The following ANKRD62 variants were observed in gnomAD, a reference collection of about 807,000 sequenced individuals.
ANKRD62 encodes ankyrin repeat domain-containing protein 62.
A neutral mutation model predicts 98.8 loss-of-function variants in ANKRD62; 61 were observed. That is an observed-to-expected ratio of 0.62 (90% CI 0.50 to 0.76). The LOEUF is 0.76. Among genes scored for constraint, ANKRD62 ranks in the 30% least tolerant of loss-of-function variants. The pLI is 0.00. For missense variants in ANKRD62, 933 were observed against 1,082.9 expected, an observed-to-expected ratio of 0.86 and a Z score of 1.94; for synonymous variants, 341 against 367.9, an observed-to-expected ratio of 0.93 and a Z score of 0.84.
intron 6 of ANKRD62, among the ~76,000 whole-genome samples, chr18:12,101,111 A>G (rs1201015569): frequency 6.6e-6 from 1 of 152,146 alleles, no homozygotes; most frequent in South Asian, 2.1e-4. Context: ...CAGGATCATG[A>G]TTTGCTATTC....
chr18:12,124,083 G>A lies in ANKRD62; in HGVS notation c.1455-54G>A, dbSNP rs1287473113. The stretch of plus-strand genomic sequence containing the variant: ...GGCACTTTATTAGGATAATAAACCA[G>A]CATATGAGTGTTTTGTTTTTAAAGG... On this transcript the variant is annotated intron_variant, in intron 11 of 13. Transcript: ENST00000587848. The A allele has an allele frequency of 1.9e-5, 17 of 899,146 alleles. No homozygotes were observed. The East Asian group carries it at 4.3e-4, about 22-fold the overall frequency. The allele number at this position is 899,146 out of a possible 1,614,324, so 55.7% of individuals were successfully genotyped here. A position where few individuals can be genotyped will look rare whatever the true frequency, so the allele number is the denominator to read the frequency against.
Position 12,096,195 on chromosome 18 carries a change from G to C in ANKRD62, c.508-1G>C, listed in dbSNP as rs1216738757. The C allele has an allele frequency of 6.6e-7, 1 of 1,519,492 alleles. No individual in the cohort carries two copies. Among genetic ancestry groups the C allele is most frequent in the East Asian group, 2.5e-5 (1 of 40,714 alleles). 94.1% of individuals were successfully genotyped at this position (1,519,492 alleles called of 1,614,324 possible). On this transcript the variant is annotated splice_acceptor_variant, in intron 3 of 13. Coordinates refer to ENST00000587848, the MANE Select transcript of ANKRD62 (RefSeq NM_001277333.2). LOFTEE classifies it high-confidence loss of function. ...TATAAATTGTTTTTGCTGTTTTGCA[G>C]GATGGACATACATCACTTTTACTCG...
intron 7 of ANKRD62, among the ~76,000 whole-genome samples, chr18:12,105,604 C>G (rs8093087): frequency 6.6e-6 from 1 of 151,976 alleles, no homozygotes; most frequent in African/African-American, 2.4e-5. Context: ...TGCTGCCACT[C>G]GTTTTTTTTC....
In ANKRD62 at chr18:12,095,222, C is replaced by T. The variant is rs973218537; in HGVS notation, c.270C>T (p.Asp90=). Residue 90 remains aspartate, a synonymous_variant, in exon 2 of 14, where the codon GAC becomes GAT. Coordinates refer to ENST00000587848, the MANE Select transcript of ANKRD62 (RefSeq NM_001277333.2). ...ATGGCCGTCCAGGAGTGGTAGCTGA[C>T]CTGGTGGCCAGAAAATGCCAGCTTA... ...CAHGRPGVVA[D]LVARKCQLNL... 6.5e-7 allele frequency: 1 copy of T among 1,537,698 alleles called. No individual in the cohort carries two copies. The highest frequency in any genetic ancestry group is 2.0e-5 in the Admixed American group (1 of 50,992).
At chr18:12,101,664 G>T (rs1909302074) in intron 6 of ANKRD62, among the ~76,000 whole-genome samples, 1 of 152,114 alleles carries the variant, frequency 6.6e-6, no homozygotes, top group Non-Finnish European at 1.5e-5. Flanking sequence ...TATATTAATA[G>T]TAATAAAGCT....
At chr18:12,135,731 C>T in the ANKRD62 span, among the ~76,000 whole-genome samples, 1 of 152,010 alleles carries the variant, frequency 6.6e-6, no homozygotes, top group East Asian at 1.9e-4. Context: ...TAATGATCGC[C>T]ATTCTAACTG....
chr18:12,141,084 C>T, the ANKRD62 span, among the ~76,000 whole-genome samples: 2 of 152,358 alleles, frequency 1.3e-5, no homozygotes, highest in African/African-American at 2.4e-5. Context: ...TCGCTGCCGC[C>T]TTGCAGTTTG....
chr18:12,123,949 T>C (rs537324162), intron 11 of ANKRD62, among the ~76,000 whole-genome samples, 188 bp from the exon 12 acceptor site: 20 of 152,292 alleles, frequency 1.3e-4, no homozygotes, highest in African/African-American at 4.6e-4. Flanking sequence ...GCTAATCAAT[T>C]AGCAGGATGT....
Position 12,094,224 on chromosome 18 carries a change from CAAG to C in ANKRD62, c.213_215del (p.Lys71del), listed in dbSNP as rs1002204445. 13 of 1,524,548 alleles carry C rather than the reference CAAG, an allele frequency of 8.5e-6. No homozygotes were observed. The African/African-American group carries it at 1.5e-4, about 17-fold the overall frequency. 94.4% of individuals were successfully genotyped at this position (1,524,548 alleles called of 1,614,324 possible). ...GGCTGAATGACTTGAACGACAGGGA[CAAG>C]AAGAACAGGTAAGGGGAACAGGAAG... On this transcript the variant is annotated inframe_deletion, in exon 1 of 14. Transcript: ENST00000587848.
At chr18:12,112,595 A>G (rs777122575) in intron 8 of ANKRD62, among the ~76,000 whole-genome samples, 4 of 152,232 alleles carry the variant, frequency 2.6e-5, no homozygotes, top group Non-Finnish European at 5.9e-5. Context: ...CTGTAAAACC[A>G]AAAACTATAA....
intron 7 of ANKRD62, among the ~76,000 whole-genome samples, chr18:12,104,552 T>A (rs897934443): frequency 3.9e-5 from 6 of 151,906 alleles, no homozygotes; most frequent in Non-Finnish European, 7.4e-5. Context: ...ACAAGACAAA[T>A]GAGGTGGAAA....
chr18:12,174,342 C>T, the ANKRD62 span, among the ~76,000 whole-genome samples: 2 of 152,188 alleles, frequency 1.3e-5, no homozygotes, highest in Non-Finnish European at 2.9e-5. Flanking sequence ...CCTTTCAGCT[C>T]TATCAGGTCA....
At chr18:12,136,397 G>A in the ANKRD62 span, among the ~76,000 whole-genome samples, 3 of 152,076 alleles carry the variant, frequency 2.0e-5, no homozygotes, top group African/African-American at 7.2e-5. Flanking sequence ...TTTTCCATTG[G>A]TCTATATCTC....
chr18:12,151,991 A>G, the ANKRD62 span, among the ~76,000 whole-genome samples: 2 of 151,766 alleles, frequency 1.3e-5, no homozygotes, highest in African/African-American at 2.4e-5. Context: ...TTTTCTACAC[A>G]TACACCCTCC....
chr18:12,119,584 A>T (rs1215605695), intron 10 of ANKRD62, among the ~76,000 whole-genome samples: 1 of 152,026 alleles, frequency 6.6e-6, no homozygotes. Flanking sequence ...GTGTAAGAAC[A>T]CTAATCCCAT....
At chr18:12,095,405 T>G (rs917243539) in intron 2 of ANKRD62, 32 bp from the exon 3 acceptor site, 1 of 1,550,698 alleles carries the variant, frequency 6.4e-7, no homozygotes, top group Middle Eastern at 1.7e-4. Flanking sequence ...TTCCTAGAAT[T>G]TACAGTCTAT....
intron 6 of ANKRD62, among the ~76,000 whole-genome samples, chr18:12,101,431 G>A (rs1909297384): frequency 6.6e-6 from 1 of 152,114 alleles, no homozygotes; most frequent in African/African-American, 2.4e-5. Context: ...AGCACTCCAA[G>A]CTTTTCTTCC....
At chr18:12,101,316 C>T (rs2143898885) in intron 6 of ANKRD62, among the ~76,000 whole-genome samples, 1 of 152,186 alleles carries the variant, frequency 6.6e-6, no homozygotes, top group Non-Finnish European at 1.5e-5. Flanking sequence ...TGTTTCAGAA[C>T]AAGTAAAACA....
chr18:12,139,114 AG>A, the ANKRD62 span, among the ~76,000 whole-genome samples: 1 of 151,982 alleles, frequency 6.6e-6, no homozygotes, highest in African/African-American at 2.4e-5. Context: ...TTTGCTCGTT[AG>A]TTGATGCAGT....
Sources: allele counts gnomAD v4.1 joint callset (sites outside exome capture counted in the v4.1 genomes callset), GRCh38; gene constraint gnomAD v4.1.1; transcripts MANE v1.5; gene names NCBI Gene and HGNC (gene_info 2026-07-23, HGNC 2026-07-21).